The following TSC2 variants were observed in gnomAD, a reference collection of about 807,000 sequenced individuals.
TSC2 encodes the protein tuberin.
TSC2 carries 29 observed loss-of-function variants against 202.2 expected under a neutral mutation model. The observed-to-expected ratio is 0.14, with a 90% CI of 0.11 to 0.20. The LOEUF (loss-of-function observed/expected upper bound fraction) is 0.20. TSC2 is among the 10% of genes least tolerant of loss of function. The pLI, the probability that TSC2 is intolerant of heterozygous loss-of-function variation, is 1.00. For synonymous variants in TSC2, 1,349 were observed against 1,044.0 expected, an observed-to-expected ratio of 1.29 and a Z score of -5.63; for missense variants, 2,429 against 2,420.0, an observed-to-expected ratio of 1.00 and a Z score of -0.08.
In TSC2 at chr16:2,084,230, G is replaced by A. The variant is rs760704956; in HGVS notation, c.4008G>A (p.Ser1336=). Residue 1336 remains serine (S), a splice_region_variant and synonymous_variant, in exon 34 of 42, where the codon TCG becomes TCA. Transcript: ENST00000219476. ...CTCTTTGGGATGGTCCTTTCTAGTC[G>A]TCCTCAGTCTCCAGCCAGGAGGAGA... is the stretch of plus-strand genomic sequence containing the variant. ...MDRRTDAYSR[S]SSVSSQEEKS... The A allele has an allele frequency of 2.2e-5, 35 of 1,587,116 alleles. No homozygotes were observed. Among genetic ancestry groups the A allele is most frequent in the Middle Eastern group, 1.7e-4 (1 of 6,060 alleles).
chr16:2,083,211 T>C, intron 32 of TSC2: 2 of 459,110 alleles, frequency 4.4e-6, no homozygotes, highest in Non-Finnish European at 8.7e-6. Flanking sequence ...TCCCACCCTC[T>C]CTCCTTAGCG....
rs1555506823 is a variant in TSC2 at position 2,072,843 on chromosome 16, C to T, written c.2221-6C>T. On this transcript the variant is annotated splice_polypyrimidine_tract_variant and splice_region_variant and intron_variant, in intron 20 of 41. Transcript: ENST00000219476. Reference sequence around the variant, plus strand: ...GAGAGGTTTCATGCCTGGATTTGGTCATCAGCTTTCAGGCCCAAAGACACT... The same window carrying T: ...GAGAGGTTTCATGCCTGGATTTGGTTATCAGCTTTCAGGCCCAAAGACACT... 6.2e-7 allele frequency: 1 copy of T among 1,613,522 alleles called. No homozygotes were observed. Among genetic ancestry groups the T allele is most frequent in the Non-Finnish European group, 8.5e-7 (1 of 1,180,032 alleles).
Position 2,061,036 on chromosome 16 carries a change from G to C in TSC2, c.1119+223G>C, listed in dbSNP as rs1231969634. ...TTTAGGCCCCAGACAGGAATATGCA[G>C]TAGGTGAGCCGGGGCTGGGCCAGTG... On this transcript the variant is annotated intron_variant, in intron 11 of 41. Coordinates refer to ENST00000219476, the MANE Select transcript of TSC2 (RefSeq NM_000548.5). 14 of 610,602 alleles carry C rather than the reference G, an allele frequency of 2.3e-5. No individual in the cohort carries two copies. The East Asian group carries it at 4.3e-4, about 19-fold the overall frequency. 37.8% of individuals were successfully genotyped at this position (610,602 alleles called of 1,614,324 possible). A position where few individuals can be genotyped will look rare whatever the true frequency, so the allele number is the denominator to read the frequency against.
intron 7 of TSC2, 68 bp from the exon 8 acceptor site, chr16:2,056,576 C>A (rs2151075666): frequency 6.3e-7 from 1 of 1,587,988 alleles, no homozygotes; most frequent in Non-Finnish European, 8.5e-7. Flanking sequence ...GGGAAGGAAG[C>A]CTGGGTGTCC....
chr16:2,054,497 G>T (rs988743245), intron 5 of TSC2, 57 bp downstream of exon 5: 1 of 1,611,334 alleles, frequency 6.2e-7, no homozygotes, highest in Admixed American at 1.7e-5. Flanking sequence ...GTGTAACCTG[G>T]ATGGGAAGGA....
rs2088378931 is a variant in TSC2, at chr16:2,071,498, T to G, written c.1840-12T>G. 1 of 1,613,526 alleles carries G rather than the reference T, an allele frequency of 6.2e-7. No homozygotes were observed. The highest frequency in any genetic ancestry group is 1.6e-4 in the Middle Eastern group (1 of 6,062). ...AGCTTGGCTCTGGCTTTCACCATCC[T>G]CTTCCTGACAGGCCTTTGACTTCCT... On this transcript the variant is annotated splice_polypyrimidine_tract_variant and intron_variant, in intron 17 of 41. Transcript: ENST00000219476.
chr16:2,085,047 C>T (rs2090592982), intron 35 of TSC2, 21 bp downstream of exon 35: 2 of 1,612,610 alleles, frequency 1.2e-6, no homozygotes, highest in African/African-American at 2.7e-5. Flanking sequence ...CCTCCCTCTC[C>T]TGCATCCGCT....
At position 2,057,805 on chromosome 16, in the gene TSC2, C is replaced by T. The variant is rs1028121400; in HGVS notation, c.848+627C>T. On this transcript the variant is annotated intron_variant, in intron 9 of 41. Transcript: ENST00000219476. ...TGCATCTCTCCCAGCCCTGCCTCGG[C>T]CCCTGCATCTCTCCCAGCCCTGCCT... Among the ~76,000 whole-genome samples, 14 of 143,956 alleles carry T rather than the reference C, an allele frequency of 9.7e-5. No individual in the cohort carries two copies. In the East Asian group the frequency reaches 3.0e-3, roughly 30 times the overall value. 94.4% of individuals were successfully genotyped at this position (143,956 alleles called of 152,430 possible). A position where few individuals can be genotyped will look rare whatever the true frequency, so the allele number is the denominator to read the frequency against.
chr16:2,071,555 C>T lies in TSC2; in HGVS notation c.1885C>T (p.Leu629=), dbSNP rs570409651. The T allele has an allele frequency of 9.3e-5, 150 of 1,613,604 alleles. 1 individual carries two copies. In the South Asian group the frequency reaches 1.6e-3, roughly 17 times the overall value. ...GCTGCGGGCCGACTCACTGCACCGCCTGGGCCTGCCCAACAAGGATGGAGT... is the reference window on the plus strand; with the variant it reads ...GCTGCGGGCCGACTCACTGCACCGCTTGGGCCTGCCCAACAAGGATGGAGT... ...LLLRADSLHR[L]GLPNKDGVVR... Residue 629 remains leucine, a synonymous_variant, in exon 18 of 42, where the codon CTG becomes TTG. Transcript: ENST00000219476.
In TSC2 at chr16:2,077,685, C is replaced by A. The variant is rs745634998; in HGVS notation, c.2925C>A (p.Phe975Leu). ...EFKESSAAEA[F>L]RCRSISVSEH... The stretch of plus-strand genomic sequence containing the variant: ...AGGAGAGCTCTGCAGCCGAGGCCTT[C>A]CGGTGCCGCAGCATCAGTGTGTCTG... Residue 975 changes from phenylalanine (F) to leucine (L), a missense_variant, in exon 26 of 42, where the codon TTC becomes TTA. Coordinates refer to ENST00000219476, the MANE Select transcript of TSC2 (RefSeq NM_000548.5). The A allele has an allele frequency of 6.2e-7, 1 of 1,613,098 alleles. No homozygotes were observed. Among genetic ancestry groups the A allele is most frequent in the South Asian group, 1.1e-5 (1 of 91,086 alleles).
intron 10 of TSC2, among the ~76,000 whole-genome samples, chr16:2,059,797 G>A (rs1257797569): frequency 6.6e-6 from 1 of 152,114 alleles, no homozygotes; most frequent in Non-Finnish European, 1.5e-5. Context: ...GGAATTATAG[G>A]TATGAGTCAC....
At position 2,089,140 on chromosome 16, in the gene TSC2, C is replaced by T. The variant is rs544713931; in HGVS notation, c.*530C>T. On this transcript the variant is annotated 3_prime_UTR_variant, in exon 42 of 42. Transcript: ENST00000219476. ...GCCCAAGGCCAAGCTCGCATCCAAG[C>T]AGCAGCCGGGCTGCCATAACGCCAC... The T allele has an allele frequency of 7.0e-5, 12 of 170,380 alleles. 1 individual carries two copies. In the South Asian group the frequency reaches 1.7e-3, roughly 24 times the overall value. The allele number at this position is 170,380 out of a possible 1,614,324, so 10.6% of individuals were successfully genotyped here.
rs779122170 is a variant in TSC2 at position 2,084,578 on chromosome 16, G to T, written c.4356G>T (p.Ser1452=). ...CCTTGCCTTCCAGCTCCCCCCGCTC[G>T]CCCAGTGGCCTCCGGCCCCGAGGTT... ...EGPLPSSSPR[S]PSGLRPRGYT... is the part of the protein sequence containing the mutation. Residue 1452 remains serine (S), a synonymous_variant, in exon 34 of 42, where the codon TCG becomes TCT. Transcript: ENST00000219476. The T allele has an allele frequency of 1.2e-6, 2 of 1,606,724 alleles. No homozygotes were observed. The highest frequency in any genetic ancestry group is 8.5e-7 in the Non-Finnish European group (1 of 1,179,654).
At chr16:2,078,717 A>G (rs1191298471) in intron 26 of TSC2, 4 of 437,176 alleles carry the variant, frequency 9.1e-6, no homozygotes, top group Non-Finnish European at 1.7e-5. Context: ...GCCTCTCTGC[A>G]TGACTACACC....
At chr16:2,051,319 CAAA>C (rs1200941889) in intron 3 of TSC2, among the ~76,000 whole-genome samples, 4 of 121,002 alleles carry the variant, frequency 3.3e-5, no homozygotes, top group African/African-American at 6.1e-5. Context: ...GACTCTGTCT[CAAA>C]AAAAAAAAAA....
chr16:2,074,643 G>C (rs1308117594), intron 22 of TSC2: 2 of 561,070 alleles, frequency 3.6e-6, no homozygotes, highest in Non-Finnish European at 6.4e-6. Flanking sequence ...CCCGAGCAGT[G>C]GCCCTCCCCT....
rs546810161 is a variant in TSC2, at chr16:2,082,420, C to A, written c.3815-16C>A. Reference sequence around the variant, plus strand: ...CTCCTCCTGCTGACGTGGCCGCACACGGCCTTCCCTTGCAGTGGCCTCTTT... The same window carrying A: ...CTCCTCCTGCTGACGTGGCCGCACAAGGCCTTCCCTTGCAGTGGCCTCTTT... On this transcript the variant is annotated splice_polypyrimidine_tract_variant and intron_variant, in intron 31 of 41. Coordinates refer to ENST00000219476, the MANE Select transcript of TSC2 (RefSeq NM_000548.5). 6.2e-7 allele frequency: 1 copy of A among 1,612,426 alleles called. No individual in the cohort carries two copies. Among genetic ancestry groups the A allele is most frequent in the Admixed American group, 1.7e-5 (1 of 60,034 alleles).
At chr16:2,077,924 G>A (rs529051385) in intron 26 of TSC2, among the ~76,000 whole-genome samples, 198 bp downstream of exon 26, 13 of 152,270 alleles carry the variant, frequency 8.5e-5, no homozygotes, top group Non-Finnish European at 1.6e-4. Flanking sequence ...CTGGTTGCAC[G>A]CATCCCCAGG....
At chr16:2,058,554 C>T (rs770759676) in intron 9 of TSC2, among the ~76,000 whole-genome samples, 193 bp from the exon 10 acceptor site, 6 of 152,222 alleles carry the variant, frequency 3.9e-5, no homozygotes, top group African/African-American at 9.6e-5. Flanking sequence ...GATGGGCTGC[C>T]GCCTGTGCGC....
Sources: gnomAD v4.1 joint callset for allele counts (sites outside exome capture counted in the v4.1 genomes callset) on GRCh38, gnomAD v4.1.1 for gene constraint, MANE v1.5 for transcripts, NCBI Gene and HGNC (gene_info 2026-07-23, HGNC 2026-07-21) for gene names.